SLC35D2: variants seen among roughly 807,000 people sequenced by gnomAD.
SLC35D2 encodes the protein nucleotide sugar transporter SLC35D2.
In SLC35D2, 43 loss-of-function variants were observed where a neutral mutation model predicts 41.8. The ratio of observed to expected loss-of-function variants is 1.03; its 90% CI spans 0.81 to 1.33. SLC35D2 has a LOEUF of 1.33. Among genes scored for constraint, SLC35D2 ranks in the 40% most tolerant of loss-of-function variants. The pLI is 0.00. For synonymous variants in SLC35D2, 150 were observed against 163.9 expected (o/e 0.92, Z 0.65); for missense variants, 380 against 408.4 (o/e 0.93, Z 0.60).
chr9:96,357,566 A>T (rs1435024162), intron 4 of SLC35D2: 1 of 152,162 alleles, frequency 6.6e-6, no homozygotes, highest in Non-Finnish European at 1.5e-5. Context: ...AAAGAAAAAA[A>T]TTTTTAATTA....
chr9:96,375,835 C>T (rs954077383), intron 1 of SLC35D2, among the ~76,000 whole-genome samples: 21 of 150,252 alleles, frequency 1.4e-4, no homozygotes, highest in African/African-American at 4.6e-4. Context: ...CTGGCCAACA[C>T]GGCAAAACCC....
chr9:96,347,104 G>A (rs752053481), intron 6 of SLC35D2, among the ~76,000 whole-genome samples: 1 of 152,192 alleles, frequency 6.6e-6, no homozygotes, highest in Non-Finnish European at 1.5e-5. Flanking sequence ...CCTCCAGCCT[G>A]AGCAACAAGA....
intron 5 of SLC35D2, 74 bp from the exon 6 acceptor site, chr9:96,351,245 A>G (rs2130934221): frequency 9.0e-7 from 1 of 1,106,514 alleles, no homozygotes. Context: ...TATTTTTTAA[A>G]CAAATTGAAA....
downstream of SLC35D2, among the ~76,000 whole-genome samples, chr9:96,317,149 A>G (rs1467655453): frequency 2.0e-5 from 3 of 151,056 alleles, no homozygotes; most frequent in Non-Finnish European, 4.4e-5. Context: ...AAAAAAAAAA[A>G]AAGTATTAAA....
At chr9:96,336,064 AAG>A (rs1829038541) in intron 9 of SLC35D2, among the ~76,000 whole-genome samples, 1 of 151,138 alleles carries the variant, frequency 6.6e-6, no homozygotes, top group Non-Finnish European at 1.5e-5. Flanking sequence ...AAAAAAAAAA[AAG>A]AAAGAAAGAA....
chr9:96,377,564 A>T (rs1282685327), intron 1 of SLC35D2, among the ~76,000 whole-genome samples: 1 of 152,242 alleles, frequency 6.6e-6, no homozygotes, highest in Non-Finnish European at 1.5e-5. Flanking sequence ...GATTGTATGT[A>T]TGACTCACAT....
downstream of SLC35D2, among the ~76,000 whole-genome samples, chr9:96,316,942 T>C (rs1472692824): frequency 6.6e-6 from 1 of 151,940 alleles, no homozygotes; most frequent in Non-Finnish European, 1.5e-5. Flanking sequence ...ATCGAGACCA[T>C]CCTGGCTAAC....
chr9:96,342,410 G>A (rs976461268), intron 8 of SLC35D2, among the ~76,000 whole-genome samples: 1 of 152,194 alleles, frequency 6.6e-6, no homozygotes, highest in Admixed American at 6.6e-5. Context: ...GGTTACTGGT[G>A]TGAGCCACCT....
intron 9 of SLC35D2, among the ~76,000 whole-genome samples, chr9:96,333,746 C>T (rs968101113): frequency 5.9e-5 from 9 of 152,146 alleles, no homozygotes; most frequent in African/African-American, 2.2e-4. Flanking sequence ...TTCTTGGTTT[C>T]CTTCATGGAA....
intron 4 of SLC35D2, among the ~76,000 whole-genome samples, chr9:96,358,594 A>C (rs956359292): frequency 4.6e-5 from 7 of 152,230 alleles, no homozygotes; most frequent in African/African-American, 1.7e-4. Context: ...CTTCCTGGTC[A>C]CTATTGAAGG....
chr9:96,381,675 G>A (rs746908349), intron 1 of SLC35D2, among the ~76,000 whole-genome samples: 1 of 152,112 alleles, frequency 6.6e-6, no homozygotes, highest in African/African-American at 2.4e-5. Context: ...ATGCAGCTCC[G>A]TGAAGTTAAG....
chr9:96,319,795 C>A (rs1462882742), downstream of SLC35D2, among the ~76,000 whole-genome samples: 1 of 152,232 alleles, frequency 6.6e-6, no homozygotes, highest in Non-Finnish European at 1.5e-5. Context: ...CCGCCGCACC[C>A]AGCCACATAA....
chr9:96,368,586 G>A (rs1233340810), intron 1 of SLC35D2, among the ~76,000 whole-genome samples: 1 of 151,834 alleles, frequency 6.6e-6, no homozygotes, highest in African/African-American at 2.4e-5. Flanking sequence ...CTGGAGTGCA[G>A]TGGTGTGATG....
At chr9:96,348,583 G>C (rs904102663) in intron 6 of SLC35D2, among the ~76,000 whole-genome samples, 1 of 152,186 alleles carries the variant, frequency 6.6e-6, no homozygotes, top group Non-Finnish European at 1.5e-5. Flanking sequence ...AATGTAAGAG[G>C]AGAGCAGGAT....
At chr9:96,373,913 T>C (rs916960450) in intron 1 of SLC35D2, 1 of 152,180 alleles carries the variant, frequency 6.6e-6, no homozygotes, top group Non-Finnish European at 1.5e-5. Context: ...AAAAGTCAAA[T>C]GATACAATGT....
intron 3 of SLC35D2, among the ~76,000 whole-genome samples, chr9:96,362,429 C>A (rs1830313830): frequency 6.6e-6 from 1 of 152,074 alleles, no homozygotes; most frequent in Non-Finnish European, 1.5e-5. Flanking sequence ...ATCACTTGAA[C>A]CCAGGAGGTA....
chr9:96,366,057 A>G (rs1383537661), intron 2 of SLC35D2, among the ~76,000 whole-genome samples: 1 of 152,148 alleles, frequency 6.6e-6, no homozygotes, highest in African/African-American at 2.4e-5. Context: ...TAATCCCAAC[A>G]CTTTGGAGGC....
chr9:96,327,552 G>C (rs1828594441), intron 9 of SLC35D2, among the ~76,000 whole-genome samples: 2 of 152,112 alleles, frequency 1.3e-5, no homozygotes, highest in South Asian at 4.1e-4. Flanking sequence ...GAGCCTCAGT[G>C]AGCAGCCATC....
chr9:96,358,394 AT>A (rs1184350116), intron 4 of SLC35D2, among the ~76,000 whole-genome samples: 3 of 152,024 alleles, frequency 2.0e-5, no homozygotes, highest in Non-Finnish European at 4.4e-5. Flanking sequence ...AAAAAAAATG[AT>A]TGTGAACTTC....
Sources: gnomAD v4.1 joint callset for allele counts (sites outside exome capture counted in the v4.1 genomes callset) on GRCh38, gnomAD v4.1.1 for gene constraint, MANE v1.5 for transcripts, NCBI Gene and HGNC (gene_info 2026-07-23, HGNC 2026-07-21) for gene names.